The following TSPAN5 variants were observed in gnomAD, a reference collection of about 807,000 sequenced individuals.
The protein encoded by TSPAN5 is tetraspanin 5, also known as tetraspanin-5.
Under a neutral mutation model 37.1 loss-of-function variants are expected in TSPAN5, and 10 were observed. The observed-to-expected ratio is 0.27, with a 90% confidence interval of 0.17 to 0.46. The LOEUF is 0.46. Among genes scored for constraint, TSPAN5 ranks in the 20% least tolerant of loss-of-function variants. The pLI is 1.00. For synonymous variants in TSPAN5, 110 were observed against 118.9 expected, an observed-to-expected ratio of 0.93 and a Z score of 0.48; for missense variants, 195 against 326.6, an observed-to-expected ratio of 0.60 and a Z score of 3.11.
intron 2 of TSPAN5, among the ~76,000 whole-genome samples, chr4:98,498,330 G>A (rs914152919): frequency 6.6e-6 from 1 of 152,164 alleles, no homozygotes; most frequent in African/African-American, 2.4e-5. Flanking sequence ...GTGATCTATT[G>A]CTGGAAGTTG....
intron 1 of TSPAN5, among the ~76,000 whole-genome samples, chr4:98,629,743 A>G (rs756816799): frequency 1.3e-5 from 2 of 152,248 alleles, no homozygotes; most frequent in Non-Finnish European, 2.9e-5. Flanking sequence ...TCCCCAGGGC[A>G]GTAAAAACCC....
chr4:98,532,902 G>A lies in TSPAN5; in HGVS notation c.82-25174C>T, dbSNP rs564522696. Reference sequence around the variant, plus strand: ...TTTATTGAGTTTTTAGCATGAAGGAGTGTTGAATTTTGTCAAAGGCCTTTT... The same window carrying A: ...TTTATTGAGTTTTTAGCATGAAGGAATGTTGAATTTTGTCAAAGGCCTTTT... On this transcript the variant is annotated intron_variant, in intron 1 of 7. Transcript: ENST00000305798. 4.6e-5 allele frequency among the ~76,000 whole-genome samples: 7 copies of A among 152,262 alleles called. No individual in the cohort carries two copies. In the South Asian group the frequency reaches 1.2e-3, roughly 27 times the overall value.
intron 2 of TSPAN5, among the ~76,000 whole-genome samples, chr4:98,491,272 G>A (rs1034146806): frequency 6.6e-6 from 1 of 152,176 alleles, no homozygotes; most frequent in Non-Finnish European, 1.5e-5. Context: ...AACACAAGAA[G>A]TGAATGTGGA....
At chr4:98,528,850 TG>T (rs1449603973) in intron 1 of TSPAN5, among the ~76,000 whole-genome samples, 1 of 152,146 alleles carries the variant, frequency 6.6e-6, no homozygotes, top group East Asian at 1.9e-4. Context: ...CTGCTGGAAA[TG>T]GGGGGAGGGT....
At chr4:98,528,423 T>TTTTTC (rs763498407) in intron 1 of TSPAN5, among the ~76,000 whole-genome samples, 8 of 152,176 alleles carry the variant, frequency 5.3e-5, no homozygotes, top group Non-Finnish European at 7.4e-5. Context: ...GATTTTTTTT[T>TTTTTC]TTTTTTTTGC....
chr4:98,566,522 C>A (rs1037776029), intron 1 of TSPAN5, among the ~76,000 whole-genome samples: 2 of 152,158 alleles, frequency 1.3e-5, no homozygotes, highest in Admixed American at 1.3e-4. Flanking sequence ...CAGTGTCAGG[C>A]CAGAGCCCAG....
intron 1 of TSPAN5, among the ~76,000 whole-genome samples, chr4:98,569,887 A>G (rs1755083615): frequency 6.6e-6 from 1 of 152,180 alleles, no homozygotes; most frequent in African/African-American, 2.4e-5. Context: ...GAGTGTCTAC[A>G]ATGTACCAGA....
At chr4:98,557,677 G>A (rs915259913) in intron 1 of TSPAN5, among the ~76,000 whole-genome samples, 1 of 152,176 alleles carries the variant, frequency 6.6e-6, no homozygotes, top group African/African-American at 2.4e-5. Flanking sequence ...GAGGTGGGCC[G>A]AGTCACTTTA....
At chr4:98,508,517 T>G in intron 1 of TSPAN5, among the ~76,000 whole-genome samples, 1 of 147,020 alleles carries the variant, frequency 6.8e-6, no homozygotes, top group South Asian at 2.2e-4. Context: ...CATTTTACTG[T>G]TTTTCTTTTT....
intron 1 of TSPAN5, among the ~76,000 whole-genome samples, chr4:98,639,783 G>A (rs970776594): frequency 1.8e-4 from 28 of 152,258 alleles, no homozygotes; most frequent in African/African-American, 6.7e-4. Flanking sequence ...AGAAATGCAC[G>A]AGAAATCAAG....
intron 1 of TSPAN5, among the ~76,000 whole-genome samples, chr4:98,569,427 C>A (rs17027758): frequency 0.083 from 12,670 of 152,194 alleles, 892 homozygotes; most frequent in African/African-American, 0.19. Context: ...CCCTGCAGAA[C>A]TCCTTGGGAA....
At chr4:98,650,993 G>C (rs1757175650) in intron 1 of TSPAN5, among the ~76,000 whole-genome samples, 1 of 152,168 alleles carries the variant, frequency 6.6e-6, no homozygotes, top group Non-Finnish European at 1.5e-5. Flanking sequence ...ATAACAGATT[G>C]AAAATTTGAT....
At position 98,585,232 on chromosome 4, in the gene TSPAN5, T is replaced by C. The variant is rs369475891; in HGVS notation, c.81+72914A>G. Among the ~76,000 whole-genome samples, 65 of 152,348 alleles carry C rather than the reference T, an allele frequency of 4.3e-4. 1 individual carries two copies. The South Asian group carries it at 0.013, about 30-fold the overall frequency. ...GCTTGTAGTGTACCCATTACCCGAA[T>C]GGTGAACACTGTAACAAACAAGCAA... is the stretch of plus-strand genomic sequence containing the variant. On this transcript the variant is annotated intron_variant, in intron 1 of 7. Coordinates refer to ENST00000305798, the MANE Select transcript of TSPAN5 (RefSeq NM_005723.4).
At chr4:98,513,222 G>C (rs888274186) in intron 1 of TSPAN5, among the ~76,000 whole-genome samples, 2 of 149,828 alleles carry the variant, frequency 1.3e-5, no homozygotes, top group South Asian at 2.3e-4. Flanking sequence ...TTTGCAATTA[G>C]AGACACGAGC....
intron 1 of TSPAN5, among the ~76,000 whole-genome samples, chr4:98,651,899 G>T (rs1468486544): frequency 3.1e-5 from 4 of 129,678 alleles, no homozygotes; most frequent in African/African-American, 9.3e-5. Flanking sequence ...TTGAGACAGG[G>T]TCTTGTTCTG....
intron 1 of TSPAN5, among the ~76,000 whole-genome samples, chr4:98,605,095 C>T (rs1400995950): frequency 6.6e-6 from 1 of 152,148 alleles, no homozygotes; most frequent in East Asian, 1.9e-4. Context: ...GTTTAAAAAA[C>T]AATAATGGTA....
intron 3 of TSPAN5, among the ~76,000 whole-genome samples, chr4:98,485,762 CTTTT>C (rs766494512): frequency 0.022 from 1,865 of 86,542 alleles, 66 homozygotes; most frequent in African/African-American, 0.08. Context: ...CTTGGATATG[CTTTT>C]TTTTTTTTTT....
intron 1 of TSPAN5, among the ~76,000 whole-genome samples, chr4:98,528,614 C>G (rs1193740523): frequency 6.6e-6 from 1 of 152,082 alleles, no homozygotes; most frequent in Non-Finnish European, 1.5e-5. Flanking sequence ...CCAAAGTCAG[C>G]CATACTTAAC....
Position 98,472,453 on chromosome 4 carries a change from A to C in TSPAN5, c.*69T>G. On this transcript the variant is annotated 3_prime_UTR_variant, in exon 8 of 8. Coordinates refer to ENST00000305798, the MANE Select transcript of TSPAN5 (RefSeq NM_005723.4). Reference sequence around the variant, plus strand: ...ATTAGGTCCATGCAGCTCGAAGATCAGTTCGGCACGCGGGAGGGTCCCGAA... The same window carrying C: ...ATTAGGTCCATGCAGCTCGAAGATCCGTTCGGCACGCGGGAGGGTCCCGAA... 1 of 1,411,106 alleles carries C rather than the reference A, an allele frequency of 7.1e-7. No homozygotes were observed. The highest frequency in any genetic ancestry group is 1.0e-6 in the Non-Finnish European group (1 of 1,003,456). The allele number at this position is 1,411,106 out of a possible 1,614,324, so 87.4% of individuals were successfully genotyped here. A position where few individuals can be genotyped will look rare whatever the true frequency, so the allele number is the denominator to read the frequency against.
Sources: gnomAD v4.1 joint callset for allele counts (sites outside exome capture counted in the v4.1 genomes callset) on GRCh38, gnomAD v4.1.1 for gene constraint, MANE v1.5 for transcripts, NCBI Gene and HGNC (gene_info 2026-07-23, HGNC 2026-07-21) for gene names.